Variants in SEMA3E observed in about 807,000 individuals in gnomAD.
SEMA3E encodes semaphorin-3E.
SEMA3E carries 49 observed loss-of-function variants against 93.6 expected under a neutral mutation model. That is an observed-to-expected ratio of 0.52 (90% CI 0.42 to 0.66). The LOEUF is 0.66. Ranked by LOEUF, SEMA3E falls within the 30% of genes least tolerant of loss-of-function variation. The pLI is 0.00. For synonymous variants in SEMA3E, 363 were observed against 330.7 expected (o/e 1.10, Z -1.06); for missense variants, 906 against 964.8 (o/e 0.94, Z 0.81).
intron 9 of SEMA3E, among the ~76,000 whole-genome samples, chr7:83,403,359 T>C (rs750180633): frequency 1.6e-4 from 25 of 151,892 alleles, no homozygotes; most frequent in Non-Finnish European, 3.2e-4. Context: ...CACCACAAAG[T>C]GTCTTTAAAA....
At chr7:83,487,414 G>T (rs1360064119) in intron 2 of SEMA3E, among the ~76,000 whole-genome samples, 1 of 152,046 alleles carries the variant, frequency 6.6e-6, no homozygotes, top group Non-Finnish European at 1.5e-5. Flanking sequence ...TTTCTGAAAT[G>T]ACAGATCTTT....
Position 83,367,934 on chromosome 7 carries a change from G to A in SEMA3E, c.1980C>T (p.Ser660=). The change falls in exon 17 of 17, where the codon AGC becomes AGT. Residue 660 remains serine, a synonymous_variant. Coordinates refer to ENST00000643230, the MANE Select transcript of SEMA3E (RefSeq NM_012431.3). ...TGATTTTACGGACCGTATGGACAAA[G>A]CTATGCTCTACTGTCTGGCAAAAAT... is the stretch of plus-strand genomic sequence containing the variant. ...GTYFCQTVEH[S]FVHTVRKITL... is the part of the protein sequence containing the mutation. 6.2e-7 allele frequency: 1 copy of A among 1,612,942 alleles called. No homozygotes were observed. The highest frequency in any genetic ancestry group is 2.2e-5 in the East Asian group (1 of 44,862).
In SEMA3E at chr7:83,646,910, A is replaced by G. The variant is rs568637206; in HGVS notation, c.115+1518T>C. Among the ~76,000 whole-genome samples, 3 of 152,162 alleles carry G rather than the reference A, an allele frequency of 2.0e-5. No individual in the cohort carries two copies. In the South Asian group the frequency reaches 6.2e-4, roughly 32 times the overall value. ...TAGATATAACAGAATTGTAGCTTGCAAAAACTGGCAGCTTATCTACTTGTC... is the reference window on the plus strand; with the variant it reads ...TAGATATAACAGAATTGTAGCTTGCGAAAACTGGCAGCTTATCTACTTGTC... On this transcript the variant is annotated intron_variant, in intron 1 of 16. Transcript: ENST00000643230.
At chr7:83,412,719 G>A (rs1396878707) in intron 5 of SEMA3E, among the ~76,000 whole-genome samples, 1 of 149,060 alleles carries the variant, frequency 6.7e-6, no homozygotes, top group Non-Finnish European at 1.5e-5. Flanking sequence ...CTATGATTGT[G>A]CTACTGCACT....
Position 83,407,134 on chromosome 7 carries a change from G to A in SEMA3E, c.776C>T (p.Ala259Val). The change falls in exon 7 of 17, where the codon GCT (alanine) becomes GTT (valine). Residue 259 changes from alanine to valine, a missense_variant. Coordinates refer to ENST00000643230, the MANE Select transcript of SEMA3E (RefSeq NM_012431.3). ...TEKALEAENN[A>V]HAIYTRVGRL... The stretch of plus-strand genomic sequence containing the variant: ...CCCGACCCTGGTGTAAATTGCGTGA[G>A]CATTGTTTTCTGCCTCCAGTGCCTT... 1 of 1,613,580 alleles carries A rather than the reference G, an allele frequency of 6.2e-7. No homozygotes were observed. Among genetic ancestry groups the A allele is most frequent in the Non-Finnish European group, 8.5e-7 (1 of 1,179,798 alleles).
chr7:83,456,323 G>A (rs1789476267), intron 4 of SEMA3E, among the ~76,000 whole-genome samples: 1 of 152,012 alleles, frequency 6.6e-6, no homozygotes, highest in Admixed American at 6.6e-5. Context: ...ACATAAACTT[G>A]TAGTAGTTTA....
At chr7:83,408,151 G>A (rs1250181751) in intron 6 of SEMA3E, among the ~76,000 whole-genome samples, 1 of 152,060 alleles carries the variant, frequency 6.6e-6, no homozygotes, top group East Asian at 1.9e-4. Flanking sequence ...TGCTCGGAAG[G>A]TATACTGATT....
chr7:83,491,294 A>C lies in SEMA3E; in HGVS notation c.116-1020T>G, dbSNP rs548580936. Among the ~76,000 whole-genome samples, 6 of 152,110 alleles carry C rather than the reference A, an allele frequency of 3.9e-5. No individual in the cohort carries two copies. In the South Asian group the frequency reaches 1.2e-3, roughly 32 times the overall value. On this transcript the variant is annotated intron_variant, in intron 1 of 16. Coordinates refer to ENST00000643230, the MANE Select transcript of SEMA3E (RefSeq NM_012431.3). ...TGTATTAATAATATATTCCTTATCT[A>C]TGTCTCTACCCTCAAACTGTTGATG...
intron 1 of SEMA3E, among the ~76,000 whole-genome samples, chr7:83,520,467 T>G (rs1187493978): frequency 6.6e-6 from 1 of 152,110 alleles, no homozygotes; most frequent in Non-Finnish European, 1.5e-5. Flanking sequence ...ACCCTCTGCC[T>G]CTACTACCAC....
intron 1 of SEMA3E, among the ~76,000 whole-genome samples, chr7:83,520,218 C>G (rs992907487): frequency 6.6e-6 from 1 of 152,096 alleles, no homozygotes; most frequent in East Asian, 1.9e-4. Context: ...TACATCCCTT[C>G]TTTCAAGTTA....
chr7:83,541,269 TTC>T (rs1417518198), intron 1 of SEMA3E, among the ~76,000 whole-genome samples: 3 of 152,172 alleles, frequency 2.0e-5, no homozygotes, highest in Admixed American at 1.3e-4. Context: ...GATGTGAAGT[TTC>T]TATATATTAT....
At chr7:83,523,837 G>A (rs1791099651) in intron 1 of SEMA3E, among the ~76,000 whole-genome samples, 1 of 151,938 alleles carries the variant, frequency 6.6e-6, no homozygotes. Flanking sequence ...ATTAAATGCT[G>A]CATTATTAGG....
intron 7 of SEMA3E, among the ~76,000 whole-genome samples, chr7:83,406,517 C>G (rs780680758): frequency 6.6e-6 from 1 of 151,760 alleles, no homozygotes; most frequent in African/African-American, 2.4e-5. Flanking sequence ...TAAATATATA[C>G]ATACACCACA....
At position 83,367,598 on chromosome 7, in the gene SEMA3E, C is replaced by T. The variant is rs753767962; in HGVS notation, c.2316G>A (p.Thr772=). Residue 772 remains threonine (T), a synonymous_variant, in exon 17 of 17, where the codon ACG becomes ACA. Coordinates refer to ENST00000643230, the MANE Select transcript of SEMA3E (RefSeq NM_012431.3). ...TAGTCTCACCCCATCAGGAGTCCAG[C>T]GTGTGCCTGGGCAGGCGGTAATGCT... ...KPEHYRLPRH[T]LDS 18 of 1,613,964 alleles carry T rather than the reference C, an allele frequency of 1.1e-5. No individual in the cohort carries two copies. Among genetic ancestry groups the T allele is most frequent in the Middle Eastern group, 1.6e-4 (1 of 6,084 alleles).
At chr7:83,638,697 G>T (rs1793929840) in intron 1 of SEMA3E, among the ~76,000 whole-genome samples, 1 of 152,086 alleles carries the variant, frequency 6.6e-6, no homozygotes, top group Non-Finnish European at 1.5e-5. Context: ...GAAGCTAAAG[G>T]AGGAATAAAT....
At chr7:83,630,290 A>C (rs1793760248) in intron 1 of SEMA3E, among the ~76,000 whole-genome samples, 1 of 152,164 alleles carries the variant, frequency 6.6e-6, no homozygotes. Context: ...GACTTTGACA[A>C]TCTCTATAAT....
At chr7:83,372,364 GAAT>G (rs1321394863) in intron 16 of SEMA3E, 12 of 397,314 alleles carry the variant, frequency 3.0e-5, no homozygotes, top group Middle Eastern at 6.4e-4. Context: ...CTGTGAGAGT[GAAT>G]AATACATGAG....
At chr7:83,579,637 T>G (rs1463423338) in intron 1 of SEMA3E, among the ~76,000 whole-genome samples, 1 of 152,130 alleles carries the variant, frequency 6.6e-6, no homozygotes, top group Admixed American at 6.6e-5. Flanking sequence ...CAAAATGGCT[T>G]GTACCAGGTC....
chr7:83,412,262 A>G (rs1362744531), intron 5 of SEMA3E, among the ~76,000 whole-genome samples: 1 of 152,038 alleles, frequency 6.6e-6, no homozygotes, highest in Non-Finnish European at 1.5e-5. Context: ...ACCTATTTCT[A>G]TCCTACTGCT....
Sources: gnomAD v4.1 joint callset for allele counts (sites outside exome capture counted in the v4.1 genomes callset) on GRCh38, gnomAD v4.1.1 for gene constraint, MANE v1.5 for transcripts, NCBI Gene and HGNC (gene_info 2026-07-23, HGNC 2026-07-21) for gene names.